The following APBA2 variants were observed in gnomAD, a reference collection of about 807,000 sequenced individuals.
APBA2 encodes amyloid-beta A4 precursor protein-binding family A member 2.
APBA2 carries 30 observed loss-of-function variants against 75.0 expected under a neutral mutation model. The ratio of observed to expected loss-of-function variants is 0.40; its 90% CI spans 0.30 to 0.54. APBA2 has a LOEUF of 0.54. Among genes scored for constraint, APBA2 ranks in the 20% least tolerant of loss-of-function variants. The pLI, the probability that APBA2 is intolerant of heterozygous loss-of-function variation, is 0.49. For missense variants in APBA2, 801 were observed against 1,016.1 expected (o/e 0.79, Z 2.88); for synonymous variants, 444 against 409.6 (o/e 1.08, Z -1.01).
At chr15:28,973,095 G>T (rs1318381010) in intron 2 of APBA2, among the ~76,000 whole-genome samples, 1 of 152,224 alleles carries the variant, frequency 6.6e-6, no homozygotes, top group Non-Finnish European at 1.5e-5. Flanking sequence ...GAAGTTTGTA[G>T]CAATCCAGAA....
At chr15:28,931,684 T>C (rs763723207) in intron 2 of APBA2, among the ~76,000 whole-genome samples, 29 of 152,148 alleles carry the variant, frequency 1.9e-4, no homozygotes, top group Non-Finnish European at 3.7e-4. Flanking sequence ...GAGTCCAAAG[T>C]GGTTGTTTTC....
intron 13 of APBA2, among the ~76,000 whole-genome samples, chr15:29,110,880 G>A (rs570279097): frequency 3.3e-5 from 5 of 152,274 alleles, no homozygotes; most frequent in African/African-American, 9.6e-5. Context: ...AAGTCAAGGC[G>A]GAGGGCAGCA....
rs1013419157 is a variant in APBA2 at position 28,978,836 on chromosome 15, A to G, written c.-94-16917A>G. ...CAGTTGAAAGGATTCTGCTCACACC[A>G]GGAGTTGGATTGTATTTTTCCAAAT... On this transcript the variant is annotated intron_variant, in intron 2 of 14. Transcript: ENST00000683413. Among the ~76,000 whole-genome samples, 5 of 152,216 alleles carry G rather than the reference A, an allele frequency of 3.3e-5. No homozygotes were observed. In the East Asian group the frequency reaches 9.6e-4, roughly 29 times the overall value.
At chr15:28,977,854 T>G (rs983446528) in intron 2 of APBA2, among the ~76,000 whole-genome samples, 1 of 152,106 alleles carries the variant, frequency 6.6e-6, no homozygotes, top group African/African-American at 2.4e-5. Flanking sequence ...GTCTCTCCCA[T>G]ACAGTCGGGT....
At chr15:29,026,267 C>G (rs1468937471) in intron 3 of APBA2, among the ~76,000 whole-genome samples, 1 of 152,154 alleles carries the variant, frequency 6.6e-6, no homozygotes, top group Non-Finnish European at 1.5e-5. Context: ...GCTCAGAGCA[C>G]ACACTCAGGT....
chr15:29,000,115 G>T (rs58997573), intron 3 of APBA2, among the ~76,000 whole-genome samples: 18,253 of 152,168 alleles, frequency 0.12, 1,555 homozygotes, highest in East Asian at 0.27. Flanking sequence ...AATGGTAACC[G>T]CTTCCAGAAA....
rs192653560 is a variant in APBA2, at chr15:29,071,883, C to T, written c.952-3038C>T. On this transcript the variant is annotated intron_variant, in intron 4 of 14. Coordinates refer to ENST00000683413, the MANE Select transcript of APBA2 (RefSeq NM_001353788.2). ...ACCCCTAGAGACAACCTTGTGTTGC[C>T]CGTGGACACCCCATACTATGGCCTC... is the stretch of plus-strand genomic sequence containing the variant. 2.9e-3 allele frequency among the ~76,000 whole-genome samples: 441 copies of T among 152,032 alleles called. 1 individual carries two copies. The highest frequency in any genetic ancestry group is 0.01 in the African/African-American group (433 of 41,486).
intron 1 of APBA2, among the ~76,000 whole-genome samples, chr15:28,892,214 A>G (rs894424874): frequency 6.6e-6 from 1 of 152,172 alleles, no homozygotes; most frequent in African/African-American, 2.4e-5. Context: ...AGCTGGGACT[A>G]CAGGCACCTG....
Position 29,108,301 on chromosome 15 carries a change from A to T in APBA2, c.1949A>T (p.Asn650Ile). 1 of 1,613,976 alleles carries T rather than the reference A, an allele frequency of 6.2e-7. No individual in the cohort carries two copies. The highest frequency in any genetic ancestry group is 8.5e-7 in the Non-Finnish European group (1 of 1,180,020). Reference protein sequence around the residue: ...GLKNQTQVKLNIVSCPPVTTV... With the variant: ...GLKNQTQVKLIIVSCPPVTTV... ...AAGAACCAGACACAGGTGAAGCTCA[A>T]CATTGTCAGCTGTCCCCCGGTCACC... Residue 650 changes from asparagine to isoleucine, a missense_variant, in exon 13 of 15, where the codon AAC (asparagine) becomes ATC (isoleucine). Transcript: ENST00000683413.
chr15:28,958,791 C>T (rs946526524), intron 2 of APBA2, among the ~76,000 whole-genome samples: 9 of 150,542 alleles, frequency 6.0e-5, no homozygotes, highest in Non-Finnish European at 8.8e-5. Flanking sequence ...GCAGGAGGGT[C>T]GTTGTTTTTA....
intron 2 of APBA2, among the ~76,000 whole-genome samples, chr15:28,988,224 C>T (rs959904681): frequency 8.6e-5 from 13 of 150,906 alleles, no homozygotes; most frequent in South Asian, 8.4e-4. Flanking sequence ...TGTCTGTAAG[C>T]GTTATGTAAA....
At chr15:28,888,091 G>A (rs151257210) in intron 1 of APBA2, among the ~76,000 whole-genome samples, 1,695 of 152,268 alleles carry the variant, frequency 0.011, 15 homozygotes, top group Non-Finnish European at 0.017. Context: ...GACTCAAGTT[G>A]TGGCCTGCTA....
chr15:28,910,869 G>C (rs529066183), intron 1 of APBA2, among the ~76,000 whole-genome samples: 1 of 152,128 alleles, frequency 6.6e-6, no homozygotes, highest in Admixed American at 6.6e-5. Flanking sequence ...TTGATATGAA[G>C]TTATTTAAAA....
At chr15:28,967,350 G>A (rs1464198902) in intron 2 of APBA2, among the ~76,000 whole-genome samples, 1 of 152,212 alleles carries the variant, frequency 6.6e-6, no homozygotes, top group Non-Finnish European at 1.5e-5. Context: ...AGGAAAAGCA[G>A]TCTATATCAT....
At chr15:29,111,253 A>T (rs1358025311) in intron 13 of APBA2, among the ~76,000 whole-genome samples, 2 of 151,758 alleles carry the variant, frequency 1.3e-5, no homozygotes, top group African/African-American at 2.4e-5. Context: ...ACGACTGGGG[A>T]CGAGGAGGGT....
chr15:28,887,607 G>A (rs542923133), intron 1 of APBA2, among the ~76,000 whole-genome samples: 3 of 152,294 alleles, frequency 2.0e-5, no homozygotes, highest in Admixed American at 2.0e-4. Context: ...CTGGGTGACC[G>A]TGGGGGCTGC....
intron 2 of APBA2, among the ~76,000 whole-genome samples, chr15:28,941,905 C>T (rs1285248284): frequency 1.3e-5 from 2 of 151,918 alleles, no homozygotes; most frequent in East Asian, 1.9e-4. Flanking sequence ...TACAGGTGCC[C>T]GCCACCACGC....
intron 2 of APBA2, among the ~76,000 whole-genome samples, 168 bp from the exon 3 acceptor site, chr15:28,995,585 T>A (rs1436866640): frequency 6.6e-6 from 1 of 152,210 alleles, no homozygotes; most frequent in East Asian, 1.9e-4. Flanking sequence ...TTTAATTATT[T>A]GTTTAGGGTA....
intron 2 of APBA2, among the ~76,000 whole-genome samples, chr15:28,964,732 C>T (rs2152743120): frequency 6.6e-6 from 1 of 152,242 alleles, no homozygotes; most frequent in African/African-American, 2.4e-5. Context: ...AGGTGATCAG[C>T]CCACCTCGGC....
Sources: gnomAD v4.1 joint callset for allele counts (sites outside exome capture counted in the v4.1 genomes callset) on GRCh38, gnomAD v4.1.1 for gene constraint, MANE v1.5 for transcripts, NCBI Gene and HGNC (gene_info 2026-07-23, HGNC 2026-07-21) for gene names.